SRD5A2: variants seen among roughly 807,000 people sequenced by gnomAD.
The protein encoded by SRD5A2 is 3-oxo-5-alpha-steroid 4-dehydrogenase 2.
In SRD5A2, 30 loss-of-function variants were observed where a neutral mutation model predicts 27.4. That is an observed-to-expected ratio of 1.10 (90% confidence interval 0.82 to 1.49). The LOEUF (loss-of-function observed/expected upper bound fraction) is 1.49, where lower values mean the gene tolerates loss of function less well. Ranked by LOEUF, SRD5A2 falls within the 40% of genes most tolerant of loss-of-function variation. The pLI is 0.00. For synonymous variants in SRD5A2, 141 were observed against 133.6 expected (o/e 1.06, Z -0.38); for missense variants, 348 against 323.4 (o/e 1.08, Z -0.58).
At chr2:31,578,363 G>T (rs28383003) in intron 1 of SRD5A2, among the ~76,000 whole-genome samples, 107,371 of 138,580 alleles carry the variant, frequency 0.77, 38,146 homozygotes, top group Middle Eastern at 0.83. Context: ...GAGATCTGGA[G>T]TCTACTGCCT....
chr2:31,662,152 T>C, the SRD5A2 span, among the ~76,000 whole-genome samples: 68 of 152,268 alleles, frequency 4.5e-4, no homozygotes, highest in African/African-American at 1.6e-3. Context: ...TATAAACTGA[T>C]TTTTCTCTTG....
chr2:31,572,890 T>C (rs762908048), intron 1 of SRD5A2, among the ~76,000 whole-genome samples: 1 of 151,926 alleles, frequency 6.6e-6, no homozygotes, highest in African/African-American at 2.4e-5. Context: ...GGAGCAAATA[T>C]TAAAAAAAAG....
At chr2:31,575,529 T>C (rs1378196195) in intron 1 of SRD5A2, among the ~76,000 whole-genome samples, 2 of 152,202 alleles carry the variant, frequency 1.3e-5, no homozygotes, top group Non-Finnish European at 1.5e-5. Flanking sequence ...CAAGGCTTCT[T>C]GGAGGAAAGG....
chr2:31,653,462 C>T, the SRD5A2 span, among the ~76,000 whole-genome samples: 1 of 152,134 alleles, frequency 6.6e-6, no homozygotes, highest in Non-Finnish European at 1.5e-5. Flanking sequence ...GGATACCTCA[C>T]TCTCTCTTTT....
At chr2:31,560,772 C>T (rs991645447) in intron 1 of SRD5A2, among the ~76,000 whole-genome samples, 1 of 152,098 alleles carries the variant, frequency 6.6e-6, no homozygotes, top group African/African-American at 2.4e-5. Context: ...GCTCTATAAT[C>T]CTATAGCCCT....
the SRD5A2 span, among the ~76,000 whole-genome samples, chr2:31,591,462 A>G: frequency 6.6e-6 from 1 of 152,060 alleles, no homozygotes; most frequent in Admixed American, 6.5e-5. Context: ...GATGTGGAGA[A>G]ATAGGAACAC....
the SRD5A2 span, among the ~76,000 whole-genome samples, chr2:31,620,977 A>C: frequency 6.8e-6 from 1 of 147,536 alleles, no homozygotes; most frequent in Non-Finnish European, 1.5e-5. Context: ...ATATAAATTA[A>C]ATATATAATA....
intron 1 of SRD5A2, among the ~76,000 whole-genome samples, chr2:31,567,681 T>C (rs1466550161): frequency 6.6e-6 from 1 of 152,194 alleles, no homozygotes; most frequent in Non-Finnish European, 1.5e-5. Context: ...AACATAATCA[T>C]AAAGCATGTA....
At chr2:31,634,803 G>T in the SRD5A2 span, among the ~76,000 whole-genome samples, 2 of 151,912 alleles carry the variant, frequency 1.3e-5, no homozygotes, top group South Asian at 4.2e-4. Flanking sequence ...TCTTTGTTTG[G>T]CTTATTTCAC....
At chr2:31,568,742 C>A (rs1481094772) in intron 1 of SRD5A2, among the ~76,000 whole-genome samples, 1 of 152,172 alleles carries the variant, frequency 6.6e-6, no homozygotes, top group African/African-American at 2.4e-5. Context: ...GGTGCCCAGG[C>A]TGTTAGTGCC....
At chr2:31,577,547 T>C (rs1434608932) in intron 1 of SRD5A2, among the ~76,000 whole-genome samples, 2 of 152,218 alleles carry the variant, frequency 1.3e-5, no homozygotes, top group African/African-American at 4.8e-5. Flanking sequence ...CATCCTTGTA[T>C]TGAGAAAAGT....
chr2:31,589,570 C>A, the SRD5A2 span, among the ~76,000 whole-genome samples: 8 of 152,292 alleles, frequency 5.3e-5, no homozygotes, highest in Admixed American at 4.6e-4. Flanking sequence ...GGGCTGGAGG[C>A]CTTGTGCCGA....
At chr2:31,561,583 T>G (rs1364769761) in intron 1 of SRD5A2, among the ~76,000 whole-genome samples, 2 of 152,176 alleles carry the variant, frequency 1.3e-5, no homozygotes, top group Non-Finnish European at 2.9e-5. Context: ...TTTTTAAGTA[T>G]TTATGGCATG....
the SRD5A2 span, among the ~76,000 whole-genome samples, chr2:31,626,830 G>A: frequency 3.3e-5 from 5 of 151,854 alleles, no homozygotes; most frequent in African/African-American, 9.7e-5. Flanking sequence ...TTTTTTTGAC[G>A]TGTTTCTGCT....
chr2:31,634,807 A>T, the SRD5A2 span, among the ~76,000 whole-genome samples: 2 of 152,136 alleles, frequency 1.3e-5, no homozygotes, highest in East Asian at 3.9e-4. Flanking sequence ...TGTTTGGCTT[A>T]TTTCACTTAA....
At chr2:31,626,136 G>C in the SRD5A2 span, among the ~76,000 whole-genome samples, 1 of 152,182 alleles carries the variant, frequency 6.6e-6, no homozygotes, top group African/African-American at 2.4e-5. Flanking sequence ...GTGAATGGGA[G>C]TTCACTCATG....
At chr2:31,554,380 G>A (rs931502198) in intron 1 of SRD5A2, among the ~76,000 whole-genome samples, 7 of 152,184 alleles carry the variant, frequency 4.6e-5, no homozygotes, top group Non-Finnish European at 1.0e-4. Flanking sequence ...ACTCCACTGT[G>A]AAAATGAGCA....
rs150931694 is a variant in SRD5A2 at position 31,539,923 on chromosome 2, C to G, written c.282-6157G>C. Among the ~76,000 whole-genome samples, 1,481 of 152,288 alleles carry G rather than the reference C, an allele frequency of 9.7e-3. 13 individuals carry two copies. Among genetic ancestry groups the G allele is most frequent in the Non-Finnish European group, 0.015 (988 of 68,014 alleles). On this transcript the variant is annotated intron_variant, in intron 1 of 4. Transcript: ENST00000622030. The stretch of plus-strand genomic sequence containing the variant: ...CAGGTTTCAATGGAAAATAACTTAA[C>G]ATACCAAGAACCAAGAAGGTCTCAA...
At chr2:31,541,389 C>T (rs1453353251) in intron 1 of SRD5A2, among the ~76,000 whole-genome samples, 1 of 151,602 alleles carries the variant, frequency 6.6e-6, no homozygotes, top group Non-Finnish European at 1.5e-5. Context: ...AAAATATAGC[C>T]CATTCAAAGG....
Sources: gnomAD v4.1 joint callset for allele counts (sites outside exome capture counted in the v4.1 genomes callset) on GRCh38, gnomAD v4.1.1 for gene constraint, MANE v1.5 for transcripts, NCBI Gene and HGNC (gene_info 2026-07-23, HGNC 2026-07-21) for gene names.